ZNF736: variants seen among roughly 807,000 people sequenced by gnomAD.
ZNF736 encodes the protein zinc finger protein 736.
In ZNF736, 6 loss-of-function variants were observed where a neutral mutation model predicts 11.7. The ratio of observed to expected loss-of-function variants is 0.51; its 90% CI spans 0.28 to 1.01. ZNF736 has a LOEUF of 1.01. Ranked by LOEUF, ZNF736 falls within the 50% of genes least tolerant of loss-of-function variation. The probability of loss-of-function intolerance (pLI) is 0.09; values close to 1 mark genes in which losing one functional copy is unlikely to be tolerated. For synonymous variants in ZNF736, 139 were observed against 164.7 expected (o/e 0.84, Z 1.19); for missense variants, 444 against 496.0 (o/e 0.90, Z 1.00).
At position 64,345,013 on chromosome 7, in the gene ZNF736, A is replaced by ATTATTTATTTAT. The variant is rs138933337; in HGVS notation, c.227-3062_227-3051dup. Among the ~76,000 whole-genome samples, 1,277 of 141,934 alleles carry ATTATTTATTTAT rather than the reference A, an allele frequency of 9.0e-3. 8 individuals carry two copies. Among genetic ancestry groups the ATTATTTATTTAT allele is most frequent in the Non-Finnish European group, 0.01 (668 of 65,044 alleles). 93.1% of individuals were successfully genotyped at this position (141,934 alleles called of 152,430 possible). A position where few individuals can be genotyped will look rare whatever the true frequency, so the allele number is the denominator to read the frequency against. On this transcript the variant is annotated intron_variant, in intron 3 of 3. Coordinates refer to ENST00000423484, the MANE Select transcript of ZNF736 (RefSeq NM_001170905.3). ...TTTTTGGAAAAGTAAAATTTATTTT[A>ATTATTTATTTAT]TTATTTATTTATTTATTTATTTATT...
intron 1 of ZNF736, among the ~76,000 whole-genome samples, chr7:64,322,269 G>T (rs116290501): frequency 6.6e-6 from 1 of 152,090 alleles, no homozygotes; most frequent in Admixed American, 6.5e-5. Flanking sequence ...CCATTCTCAT[G>T]TGTGTGAAGT....
intron 1 of ZNF736, among the ~76,000 whole-genome samples, chr7:64,326,007 A>C (rs1789078142): frequency 6.6e-6 from 1 of 152,198 alleles, no homozygotes; most frequent in South Asian, 2.1e-4. Context: ...TATGCTGTTA[A>C]GTCTTCTACT....
In ZNF736 at chr7:64,336,375, G is replaced by A. The variant is rs1584272409; in HGVS notation, c.120G>A (p.Leu40=). The change falls in exon 2 of 4, where the codon CTG becomes CTA. Residue 40 remains leucine, a synonymous_variant. Coordinates refer to ENST00000423484, the MANE Select transcript of ZNF736 (RefSeq NM_001170905.3). ...TGATGTTAGAGAACTATGGAAACCT[G>A]GTCTCCTTGGGTGAGAATAACTTCA... ...RDVMLENYGN[L]VSLGLAIFKP... 6.2e-7 allele frequency: 1 copy of A among 1,611,034 alleles called. No individual in the cohort carries two copies. Among genetic ancestry groups the A allele is most frequent in the East Asian group, 2.2e-5 (1 of 44,760 alleles).
chr7:64,320,554 A>C (rs983881614), intron 1 of ZNF736, among the ~76,000 whole-genome samples: 2 of 152,202 alleles, frequency 1.3e-5, no homozygotes, highest in African/African-American at 4.8e-5. Flanking sequence ...TCTCAGCTAG[A>C]ATGCTGTTTT....
At position 64,314,236 on chromosome 7, in the gene ZNF736, C is replaced by T. The variant is rs966313499; in HGVS notation, c.3+83C>T. On this transcript the variant is annotated intron_variant, in intron 1 of 3. Coordinates refer to ENST00000423484, the MANE Select transcript of ZNF736 (RefSeq NM_001170905.3). The stretch of plus-strand genomic sequence containing the variant: ...GAACCGGCTGCGGTGGTATCTGGGC[C>T]TTCTCGCGGTCTGCTCTGGAGTCTG... The T allele has an allele frequency of 3.9e-6, 6 of 1,520,570 alleles. No individual in the cohort carries two copies. In the East Asian group the frequency reaches 1.5e-4, roughly 37 times the overall value. 94.2% of individuals were successfully genotyped at this position (1,520,570 alleles called of 1,614,324 possible).
At chr7:64,347,503 G>A (rs1789428076) in intron 3 of ZNF736, among the ~76,000 whole-genome samples, 1 of 152,084 alleles carries the variant, frequency 6.6e-6, no homozygotes, top group South Asian at 2.1e-4. Flanking sequence ...TGGGATTACA[G>A]GTGTGAGCCA....
At chr7:64,331,060 A>G (rs1789159122) in intron 1 of ZNF736, among the ~76,000 whole-genome samples, 1 of 152,190 alleles carries the variant, frequency 6.6e-6, no homozygotes, top group South Asian at 2.1e-4. Flanking sequence ...CCATCCCAGT[A>G]GGCATCTCAC....
At chr7:64,322,961 TAGTA>T (rs1789022535) in intron 1 of ZNF736, among the ~76,000 whole-genome samples, 2 of 152,314 alleles carry the variant, frequency 1.3e-5, no homozygotes, top group South Asian at 4.1e-4. Flanking sequence ...TCCTAATTCT[TAGTA>T]AGGCCTTTCT....
At chr7:64,346,294 T>TG (rs1270270333) in intron 3 of ZNF736, among the ~76,000 whole-genome samples, 2 of 151,944 alleles carry the variant, frequency 1.3e-5, no homozygotes, top group African/African-American at 4.8e-5. Flanking sequence ...GGTTAACACT[T>TG]GCATAAAATG....
chr7:64,353,908 T>C lies in ZNF736; in HGVS notation c.*4761T>C, dbSNP rs1369882967. On this transcript the variant is annotated 3_prime_UTR_variant, in exon 4 of 4. Transcript: ENST00000423484. ...CTTAATTTGTTTTAATAAACCAAAA[T>C]TATTGTTATTGTGTTAAGGCTATTT... 2 of 152,198 alleles carry C rather than the reference T, an allele frequency of 1.3e-5. No homozygotes were observed. The highest frequency in any genetic ancestry group is 1.3e-4 in the Admixed American group (2 of 15,274). The allele number at this position is 152,198 out of a possible 1,614,324, so 9.4% of individuals were successfully genotyped here.
Position 64,336,836 on chromosome 7 carries a change from A to G in ZNF736, c.131-51A>G, listed in dbSNP as rs1789258500. On this transcript the variant is annotated intron_variant, in intron 2 of 3. Transcript: ENST00000423484. ...TCTCTACTGAGCATAGTACTAGATT[A>G]GTAATCAGATTATCCTAGCAAGAGT... The G allele has an allele frequency of 1.0e-5, 14 of 1,392,736 alleles. No homozygotes were observed. In the South Asian group the frequency reaches 1.1e-4, roughly 11 times the overall value. 86.3% of individuals were successfully genotyped at this position (1,392,736 alleles called of 1,614,324 possible).
chr7:64,338,997 ATCT>A (rs879814475), intron 3 of ZNF736, among the ~76,000 whole-genome samples: 32 of 152,126 alleles, frequency 2.1e-4, no homozygotes, highest in Middle Eastern at 3.4e-3. Flanking sequence ...CTTGTTATAA[ATCT>A]TCTTGATATT....
chr7:64,348,087 C>T lies in ZNF736; in HGVS notation c.227-3C>T. ...GAGGGAGAATTTTATTTTTTTTCTC[C>T]AGCTGGTTCTTTTCATTTTACTGCA... On this transcript the variant is annotated splice_region_variant and splice_polypyrimidine_tract_variant and intron_variant, in intron 3 of 3. Transcript: ENST00000423484. 4 of 1,478,968 alleles carry T rather than the reference C, an allele frequency of 2.7e-6. No homozygotes were observed. The highest frequency in any genetic ancestry group is 2.5e-5 in the East Asian group (1 of 40,330). 91.6% of individuals were successfully genotyped at this position (1,478,968 alleles called of 1,614,324 possible). A position where few individuals can be genotyped will look rare whatever the true frequency, so the allele number is the denominator to read the frequency against.
At position 64,330,124 on chromosome 7, in the gene ZNF736, A is replaced by G. The variant is rs1327879594; in HGVS notation, c.4-6135A>G. Among the ~76,000 whole-genome samples the G allele has an allele frequency of 2.6e-5, 4 of 151,846 alleles. No individual in the cohort carries two copies. In the East Asian group the frequency reaches 7.8e-4, roughly 30 times the overall value. ...CGGTCAGCTTGTGGTGAACTCTGCC[A>G]GGCCTGCTTCTTTTGCTTCAGGGAA... On this transcript the variant is annotated intron_variant, in intron 1 of 3. Coordinates refer to ENST00000423484, the MANE Select transcript of ZNF736 (RefSeq NM_001170905.3).
rs1187920602 is a variant in ZNF736, at chr7:64,355,173, A to T, written c.*6026A>T. The stretch of plus-strand genomic sequence containing the variant: ...TCAGATTATGTTTCTACATTTAAAC[A>T]TCTACTGGGGGAGGCAGAGGCCAAT... On this transcript the variant is annotated 3_prime_UTR_variant, in exon 4 of 4. Coordinates refer to ENST00000423484, the MANE Select transcript of ZNF736 (RefSeq NM_001170905.3). The T allele has an allele frequency of 6.2e-6, 1 of 162,474 alleles. No homozygotes were observed. The highest frequency in any genetic ancestry group is 1.5e-5 in the Non-Finnish European group (1 of 68,582). 10.1% of individuals were successfully genotyped at this position (162,474 alleles called of 1,614,324 possible). A position where few individuals can be genotyped will look rare whatever the true frequency, so the allele number is the denominator to read the frequency against.
At chr7:64,346,421 A>AT (rs61283371) in intron 3 of ZNF736, among the ~76,000 whole-genome samples, 135,324 of 148,258 alleles carry the variant, frequency 0.91, 61,856 homozygotes, top group Non-Finnish European at 0.94. Flanking sequence ...ATATAGTTAG[A>AT]TTTTTTTTTT....
At chr7:64,337,052 T>G (rs551727523) in intron 3 of ZNF736, 70 bp downstream of exon 3, 6 of 1,261,294 alleles carry the variant, frequency 4.8e-6, no homozygotes, top group Admixed American at 2.2e-5. Context: ...GCCAAACCTT[T>G]AAACATGCTT....
chr7:64,326,573 A>C (rs548057338), intron 1 of ZNF736, among the ~76,000 whole-genome samples: 19 of 152,172 alleles, frequency 1.2e-4, no homozygotes, highest in African/African-American at 4.6e-4. Flanking sequence ...TATTTCTGCT[A>C]TAGTTTTTAT....
intron 3 of ZNF736, among the ~76,000 whole-genome samples, chr7:64,343,963 T>TTA (rs1459155946): frequency 1.3e-5 from 2 of 151,992 alleles, no homozygotes; most frequent in Non-Finnish European, 2.9e-5. Context: ...CTTTTTTTTT[T>TTA]TTTATTTTTT....
Sources: allele counts gnomAD v4.1 joint callset (sites outside exome capture counted in the v4.1 genomes callset), GRCh38; gene constraint gnomAD v4.1.1; transcripts MANE v1.5; gene names NCBI Gene and HGNC (gene_info 2026-07-23, HGNC 2026-07-21).